COL5A2: variants seen among roughly 807,000 people sequenced by gnomAD.
The protein encoded by COL5A2 is collagen type V alpha 2 chain, also known as collagen alpha-2(V) chain.
In COL5A2, 23 loss-of-function variants were observed where a neutral mutation model predicts 208.2. That is an observed-to-expected ratio of 0.11 (90% CI 0.08 to 0.16). COL5A2 has a LOEUF of 0.16. Ranked by LOEUF, COL5A2 falls within the 10% of genes least tolerant of loss-of-function variation. COL5A2 has a pLI of 1.00. For synonymous variants in COL5A2, 625 were observed against 628.5 expected, an observed-to-expected ratio of 0.99 and a Z score of 0.08; for missense variants, 1,590 against 1,956.4, an observed-to-expected ratio of 0.81 and a Z score of 3.53.
intron 1 of COL5A2, among the ~76,000 whole-genome samples, chr2:189,191,890 T>G (rs1443418231): frequency 6.6e-6 from 1 of 150,690 alleles, no homozygotes; most frequent in Non-Finnish European, 1.5e-5. Flanking sequence ...TTTACTCTTG[T>G]AAGAAAAAAA....
At chr2:189,401,433 T>C in the COL5A2 span, among the ~76,000 whole-genome samples, 1 of 152,256 alleles carries the variant, frequency 6.6e-6, no homozygotes, top group Non-Finnish European at 1.5e-5. Context: ...CCATGGCATA[T>C]ATGTACTACA....
At chr2:189,287,348 A>G in the COL5A2 span, among the ~76,000 whole-genome samples, 3 of 152,124 alleles carry the variant, frequency 2.0e-5, no homozygotes, top group Non-Finnish European at 4.4e-5. Flanking sequence ...TTTGCTTTCC[A>G]ATTTTGTTAC....
the COL5A2 span, among the ~76,000 whole-genome samples, chr2:189,401,531 T>C: frequency 6.6e-6 from 1 of 152,142 alleles, no homozygotes; most frequent in Non-Finnish European, 1.5e-5. Context: ...AACATACGGG[T>C]GCATGTATCT....
the COL5A2 span, among the ~76,000 whole-genome samples, chr2:189,352,583 G>A: frequency 7.2e-5 from 11 of 152,080 alleles, no homozygotes; most frequent in South Asian, 2.1e-4. Context: ...TTTGTTGGCC[G>A]CATAAATGTC....
chr2:189,048,331 A>C (rs1685714138), intron 44 of COL5A2, 69 bp from the exon 45 acceptor site: 2 of 1,404,270 alleles, frequency 1.4e-6, no homozygotes, highest in Non-Finnish European at 2.0e-6. Flanking sequence ...CCAATTGTCA[A>C]AAAATGACAG....
chr2:189,232,907 G>C, the COL5A2 span, among the ~76,000 whole-genome samples: 6 of 151,700 alleles, frequency 4.0e-5, no homozygotes, highest in Non-Finnish European at 2.9e-5. Context: ...TTATGCTTAT[G>C]AGAAATTAAA....
chr2:189,086,855 T>C, intron 8 of COL5A2, 85 bp from the exon 9 acceptor site: 1 of 1,190,158 alleles, frequency 8.4e-7, no homozygotes, highest in Non-Finnish European at 1.2e-6. Context: ...ATCTCTAGAA[T>C]CTGGAAAAGT....
chr2:189,259,315 T>A, the COL5A2 span, among the ~76,000 whole-genome samples: 1 of 152,216 alleles, frequency 6.6e-6, no homozygotes, highest in African/African-American at 2.4e-5. Flanking sequence ...TTATAGAGTC[T>A]TATAGTAATA....
chr2:189,323,122 G>T, the COL5A2 span, among the ~76,000 whole-genome samples: 1 of 152,036 alleles, frequency 6.6e-6, no homozygotes, highest in South Asian at 2.1e-4. Flanking sequence ...ATTCAAAAGC[G>T]CTTCATGCTG....
At chr2:189,278,312 G>A in the COL5A2 span, among the ~76,000 whole-genome samples, 5 of 151,924 alleles carry the variant, frequency 3.3e-5, no homozygotes, top group East Asian at 1.9e-4. Context: ...TCTCAATTAC[G>A]GTAGATATTT....
intron 16 of COL5A2, among the ~76,000 whole-genome samples, chr2:189,077,634 A>C (rs1189667727): frequency 6.6e-6 from 1 of 152,172 alleles, no homozygotes; most frequent in Non-Finnish European, 1.5e-5. Flanking sequence ...ATATTCTATA[A>C]TATTCTCTAT....
intron 12 of COL5A2, among the ~76,000 whole-genome samples, chr2:189,082,814 A>G (rs1686564985): frequency 6.6e-6 from 1 of 152,194 alleles, no homozygotes; most frequent in African/African-American, 2.4e-5. Context: ...GCAGCAGGAC[A>G]TGGGAAGTTC....
intron 1 of COL5A2, among the ~76,000 whole-genome samples, chr2:189,119,869 A>T (rs1034557726): frequency 6.6e-6 from 1 of 152,102 alleles, no homozygotes; most frequent in African/African-American, 2.4e-5. Context: ...TTTACTAGTC[A>T]ACTGGTTATT....
intron 8 of COL5A2, among the ~76,000 whole-genome samples, chr2:189,087,756 C>T (rs1412261206): frequency 1.3e-5 from 2 of 151,268 alleles, no homozygotes; most frequent in African/African-American, 2.4e-5. Context: ...CGTGAGCCAC[C>T]GTGCCTGGCC....
chr2:189,306,169 T>C, the COL5A2 span, among the ~76,000 whole-genome samples: 6 of 152,166 alleles, frequency 3.9e-5, no homozygotes, highest in African/African-American at 1.4e-4. Context: ...TTTGTATGTT[T>C]CCAATAGAAA....
At chr2:189,310,306 C>T in the COL5A2 span, among the ~76,000 whole-genome samples, 1 of 152,076 alleles carries the variant, frequency 6.6e-6, no homozygotes, top group Non-Finnish European at 1.5e-5. Flanking sequence ...GGCAAACAGG[C>T]ATATGAAAAG....
chr2:189,424,497 T>C, the COL5A2 span, among the ~76,000 whole-genome samples: 534 of 152,070 alleles, frequency 3.5e-3, 4 homozygotes, highest in African/African-American at 0.011. Context: ...GGATACAAAA[T>C]CAACATACAA....
intron 1 of COL5A2, among the ~76,000 whole-genome samples, chr2:189,121,297 G>T (rs1687495239): frequency 6.6e-6 from 1 of 151,482 alleles, no homozygotes; most frequent in Non-Finnish European, 1.5e-5. Context: ...GTATAATATT[G>T]TTACTCCTGG....
the COL5A2 span, among the ~76,000 whole-genome samples, chr2:189,293,893 G>A: frequency 8.5e-5 from 13 of 152,208 alleles, no homozygotes; most frequent in Non-Finnish European, 7.4e-5. Flanking sequence ...AAACCATCCT[G>A]GCTAACACGG....
Sources: allele counts gnomAD v4.1 joint callset (sites outside exome capture counted in the v4.1 genomes callset), GRCh38; gene constraint gnomAD v4.1.1; transcripts MANE v1.5; gene names NCBI Gene and HGNC (gene_info 2026-07-23, HGNC 2026-07-21).